TMEM181: variants seen among roughly 807,000 people sequenced by gnomAD.
TMEM181 encodes G protein-coupled receptor 178.
A neutral mutation model predicts 71.9 loss-of-function variants in TMEM181; 39 were observed. The observed-to-expected ratio is 0.54, with a 90% CI of 0.42 to 0.71. TMEM181 has a LOEUF of 0.71. Among genes scored for constraint, TMEM181 ranks in the 30% least tolerant of loss-of-function variants. The probability of loss-of-function intolerance (pLI) is 0.00; values close to 1 mark genes in which losing one functional copy is unlikely to be tolerated. For synonymous variants in TMEM181, 245 were observed against 228.8 expected (o/e 1.07, Z -0.64); for missense variants, 595 against 583.0 (o/e 1.02, Z -0.21).
intron 10 of TMEM181, chr6:158,609,836 T>C (rs769326560): frequency 4.2e-6 from 1 of 239,406 alleles, no homozygotes; most frequent in Non-Finnish European, 9.2e-6. Context: ...GCAAAGGCTT[T>C]TGGGAACCCG....
chr6:158,570,112 C>G (rs1394712873), intron 1 of TMEM181, among the ~76,000 whole-genome samples: 1 of 151,122 alleles, frequency 6.6e-6, no homozygotes, highest in South Asian at 2.1e-4. Flanking sequence ...CTGTGGCTGC[C>G]CCGGGGGACG....
intron 11 of TMEM181, among the ~76,000 whole-genome samples, chr6:158,624,300 T>C (rs1033710765): frequency 7.2e-5 from 11 of 152,244 alleles, no homozygotes; most frequent in African/African-American, 2.7e-4. Flanking sequence ...CCCTTTGCTT[T>C]ACGTAAGGTC....
chr6:158,560,373 G>C, intron 1 of TMEM181, 141 bp downstream of exon 1: 1 of 954,234 alleles, frequency 1.0e-6, no homozygotes, highest in Non-Finnish European at 1.2e-6. Flanking sequence ...GGCGCTGAAG[G>C]GGGCTTCGCG....
At chr6:158,626,886 ACCC>A (rs754914302) in intron 13 of TMEM181, among the ~76,000 whole-genome samples, 39 of 136,990 alleles carry the variant, frequency 2.8e-4, no homozygotes, top group Admixed American at 1.1e-3. Context: ...ACACTCTCAC[ACCC>A]CCACACCTTC....
intron 10 of TMEM181, among the ~76,000 whole-genome samples, chr6:158,616,749 G>A (rs1350344356): frequency 6.6e-6 from 1 of 152,190 alleles, no homozygotes; most frequent in Non-Finnish European, 1.5e-5. Flanking sequence ...TAATCACGTG[G>A]TTTTTGTCTT....
At chr6:158,560,486 G>T (rs1166939489) in intron 1 of TMEM181, among the ~76,000 whole-genome samples, 1 of 152,220 alleles carries the variant, frequency 6.6e-6, no homozygotes, top group African/African-American at 2.4e-5. Context: ...GATGCGGTCG[G>T]GGTTCCGGGA....
chr6:158,585,302 A>G lies in TMEM181; in HGVS notation c.260-2A>G, dbSNP rs1460638948. The G allele has an allele frequency of 6.3e-7, 1 of 1,594,360 alleles. No homozygotes were observed. Among genetic ancestry groups the G allele is most frequent in the Non-Finnish European group, 8.5e-7 (1 of 1,172,742 alleles). On this transcript the variant is annotated splice_acceptor_variant, in intron 4 of 16. Transcript: ENST00000684151. LOFTEE classifies it high-confidence loss of function. ...CTAACACTGAATTTTTTTCTTTTGT[A>G]GAAACTTCTATTAAGACAAGCTTTC...
At chr6:158,544,578 T>C (rs770642636) in intron 1 of TMEM181, among the ~76,000 whole-genome samples, 26 of 152,198 alleles carry the variant, frequency 1.7e-4, no homozygotes, top group Non-Finnish European at 3.4e-4. Flanking sequence ...CCCCAATTTC[T>C]TCAGCCTCAG....
At chr6:158,559,882 A>T (rs1782048414), upstream of TMEM181, among the ~76,000 whole-genome samples, 1 of 152,228 alleles carries the variant, frequency 6.6e-6, no homozygotes, top group Non-Finnish European at 1.5e-5. Context: ...GAGGTAAACT[A>T]AGTCATTCAT....
At chr6:158,623,529 A>G in intron 10 of TMEM181, 21 bp from the exon 11 acceptor site, 1 of 1,455,178 alleles carries the variant, frequency 6.9e-7, no homozygotes, top group Non-Finnish European at 9.3e-7. Flanking sequence ...ATCTATAATT[A>G]TTTATAATGT....
intron 2 of TMEM181, among the ~76,000 whole-genome samples, chr6:158,578,814 C>T (rs1783306612): frequency 6.6e-6 from 1 of 152,192 alleles, no homozygotes; most frequent in African/African-American, 2.4e-5. Context: ...TTTAAAACAC[C>T]ATACTCCAAC....
At position 158,627,169 on chromosome 6, in the gene TMEM181, C is replaced by T. The variant is rs148943504; in HGVS notation, c.1110-1239C>T. Among the ~76,000 whole-genome samples the T allele has an allele frequency of 1.7e-3, 264 of 151,360 alleles. 1 individual carries two copies. Among genetic ancestry groups the T allele is most frequent in the Non-Finnish European group, 3.0e-3 (200 of 67,750 alleles). ...ACACCCTCACTGTCACACATCCTCA[C>T]ACACACCCTCACTCTCACACCCTTA... On this transcript the variant is annotated intron_variant, in intron 13 of 16. Transcript: ENST00000684151.
At chr6:158,550,453 C>T (rs372890458) in intron 1 of TMEM181, among the ~76,000 whole-genome samples, 127 of 151,834 alleles carry the variant, frequency 8.4e-4, no homozygotes, top group African/African-American at 2.9e-3. Flanking sequence ...GTCAAGAGAT[C>T]GAGACCATCC....
intron 5 of TMEM181, 107 bp downstream of exon 5, chr6:158,585,532 A>G: frequency 7.7e-7 from 1 of 1,292,164 alleles, no homozygotes; most frequent in African/African-American, 1.5e-5. Context: ...GCTTCGAGAA[A>G]TTGTTCTTAA....
rs1298468781 is a variant in TMEM181, at chr6:158,632,305, T to TTTAAACTCAAA, written c.*417_*418insTTAAACTCAAA. Reference sequence around the variant, plus strand: ...CTCTTTCTTCCCTTTTCCATGGTACTGTTTTGTGACCCTTTAAACTCAAAG... The same window carrying TTTAAACTCAAA: ...CTCTTTCTTCCCTTTTCCATGGTACTTTAAACTCAAAGTTTTGTGACCCTTTAAACTCAAAG... On this transcript the variant is annotated 3_prime_UTR_variant, in exon 17 of 17. Coordinates refer to ENST00000684151, the MANE Select transcript of TMEM181 (RefSeq NM_001376852.1). The TTTAAACTCAAA allele has an allele frequency of 9.5e-6, 2 of 211,630 alleles. No individual in the cohort carries two copies. The highest frequency in any genetic ancestry group is 4.6e-5 in the African/African-American group (2 of 43,076). 13.1% of individuals were successfully genotyped at this position (211,630 alleles called of 1,614,324 possible).
chr6:158,579,462 C>T (rs1385226967), intron 2 of TMEM181, among the ~76,000 whole-genome samples: 1 of 151,982 alleles, frequency 6.6e-6, no homozygotes. Flanking sequence ...TGGCTCACGC[C>T]TGTAATCCCA....
chr6:158,634,661 G>C lies in TMEM181; in HGVS notation c.*2773G>C, dbSNP rs542424476. 6.6e-6 allele frequency: 1 copy of C among 152,322 alleles called. No individual in the cohort carries two copies. Among genetic ancestry groups the C allele is most frequent in the East Asian group, 1.9e-4 (1 of 5,186 alleles). 9.4% of individuals were successfully genotyped at this position (152,322 alleles called of 1,614,324 possible). A position where few individuals can be genotyped will look rare whatever the true frequency, so the allele number is the denominator to read the frequency against. ...CTCTTAAGCCCCATTTGAAAGGCTA[G>C]AGAAGGGGATATATATACTATGTTC... is the stretch of plus-strand genomic sequence containing the variant. On this transcript the variant is annotated 3_prime_UTR_variant, in exon 17 of 17. Transcript: ENST00000684151.
At chr6:158,546,979 CAAAT>C (rs752724196) in intron 1 of TMEM181, among the ~76,000 whole-genome samples, 41 of 143,418 alleles carry the variant, frequency 2.9e-4, no homozygotes, top group African/African-American at 7.7e-4. Context: ...AACAAACAAA[CAAAT>C]AAAGAATACT....
chr6:158,557,280 C>T (rs1781929414), upstream of TMEM181, among the ~76,000 whole-genome samples: 1 of 151,898 alleles, frequency 6.6e-6, no homozygotes, highest in Non-Finnish European at 1.5e-5. Flanking sequence ...AGACTGAGGC[C>T]GGAGGATCTT....
Sources: gnomAD v4.1 joint callset for allele counts (sites outside exome capture counted in the v4.1 genomes callset) on GRCh38, gnomAD v4.1.1 for gene constraint, MANE v1.5 for transcripts, NCBI Gene and HGNC (gene_info 2026-07-23, HGNC 2026-07-21) for gene names.